PXDNL: variants seen among roughly 807,000 people sequenced by gnomAD.
PXDNL encodes the protein peroxidasin like, also known as probable oxidoreductase PXDNL.
Under a neutral mutation model 150.8 loss-of-function variants are expected in PXDNL, and 145 were observed. The observed-to-expected ratio is 0.96, with a 90% CI of 0.84 to 1.10. The LOEUF (loss-of-function observed/expected upper bound fraction) is 1.10. PXDNL is among the 50% of genes least tolerant of loss of function. The probability of loss-of-function intolerance (pLI) is 0.00; values close to 1 mark genes in which losing one functional copy is unlikely to be tolerated. For missense variants in PXDNL, 2,087 were observed against 1,873.9 expected (o/e 1.11, Z -2.10); for synonymous variants, 757 against 725.7 (o/e 1.04, Z -0.69).
chr8:51,448,941 T>G lies in PXDNL; in HGVS notation c.1366+61A>C, dbSNP rs1809743414. On this transcript the variant is annotated intron_variant, in intron 11 of 22. Transcript: ENST00000356297. ...GATAATTAATTTAAACTATTTTTTTTTACTATCCACAAAAGAAGGCACTTA... is the reference window on the plus strand; with the variant it reads ...GATAATTAATTTAAACTATTTTTTTGTACTATCCACAAAAGAAGGCACTTA... 4.8e-6 allele frequency: 4 copies of G among 824,874 alleles called. No individual in the cohort carries two copies. In the African/African-American group the frequency reaches 6.8e-5, roughly 14 times the overall value. The allele number at this position is 824,874 out of a possible 1,614,324, so 51.1% of individuals were successfully genotyped here. A position where few individuals can be genotyped will look rare whatever the true frequency, so the allele number is the denominator to read the frequency against.
At chr8:51,672,059 A>G (rs1815507905) in intron 1 of PXDNL, among the ~76,000 whole-genome samples, 1 of 152,082 alleles carries the variant, frequency 6.6e-6, no homozygotes, top group South Asian at 2.1e-4. Flanking sequence ...TCAGCTCACC[A>G]CAAAATTCGC....
chr8:51,524,982 C>G (rs1811737161), intron 4 of PXDNL, among the ~76,000 whole-genome samples: 1 of 152,182 alleles, frequency 6.6e-6, no homozygotes, highest in Non-Finnish European at 1.5e-5. Context: ...CTTGCTGGAA[C>G]AGGGGTGTGT....
At chr8:51,337,445 T>C (rs1805861065) in intron 21 of PXDNL, among the ~76,000 whole-genome samples, 1 of 152,244 alleles carries the variant, frequency 6.6e-6, no homozygotes, top group Non-Finnish European at 1.5e-5. Context: ...TCTTCCCTGA[T>C]ACACATTAAC....
intron 8 of PXDNL, among the ~76,000 whole-genome samples, chr8:51,458,599 C>T (rs954867942): frequency 1.6e-4 from 25 of 152,178 alleles, no homozygotes; most frequent in African/African-American, 6.0e-4. Context: ...CCCATAAAAA[C>T]ATCATTCCCA....
chr8:51,579,654 G>T (rs1424845800), intron 3 of PXDNL, among the ~76,000 whole-genome samples: 2 of 151,946 alleles, frequency 1.3e-5, no homozygotes, highest in African/African-American at 4.8e-5. Flanking sequence ...TTTTATTTAT[G>T]TGTGAAGCAA....
At chr8:51,664,729 G>T (rs561484796) in intron 1 of PXDNL, among the ~76,000 whole-genome samples, 1 of 152,016 alleles carries the variant, frequency 6.6e-6, no homozygotes, top group East Asian at 1.9e-4. Context: ...ATAGTGACCT[G>T]GGACTTGGCA....
At chr8:51,678,043 C>T (rs748176495) in intron 1 of PXDNL, among the ~76,000 whole-genome samples, 11 of 152,140 alleles carry the variant, frequency 7.2e-5, no homozygotes, top group Admixed American at 2.0e-4. Flanking sequence ...TCTCATAAAA[C>T]CTCTTGTAAA....
At chr8:51,559,285 G>A (rs769424343) in intron 3 of PXDNL, among the ~76,000 whole-genome samples, 1 of 148,952 alleles carries the variant, frequency 6.7e-6, no homozygotes, top group Non-Finnish European at 1.5e-5. Flanking sequence ...ATCTCATGAT[G>A]AATGCTGATG....
chr8:51,349,775 G>A (rs1806278275), intron 19 of PXDNL, among the ~76,000 whole-genome samples: 1 of 152,206 alleles, frequency 6.6e-6, no homozygotes, highest in Non-Finnish European at 1.5e-5. Context: ...TCCACGAATT[G>A]ATCAAAACTA....
intron 2 of PXDNL, among the ~76,000 whole-genome samples, chr8:51,640,301 G>A (rs1814718914): frequency 6.6e-6 from 1 of 152,160 alleles, no homozygotes; most frequent in Non-Finnish European, 1.5e-5. Context: ...CACAAGACAG[G>A]GATGCCGTCT....
chr8:51,637,742 G>T (rs139089803), intron 2 of PXDNL, among the ~76,000 whole-genome samples: 1 of 152,188 alleles, frequency 6.6e-6, no homozygotes, highest in African/African-American at 2.4e-5. Flanking sequence ...ACCTGAAAGT[G>T]ACAGGGAGAA....
intron 1 of PXDNL, among the ~76,000 whole-genome samples, chr8:51,773,517 A>G (rs2037321442): frequency 6.6e-6 from 1 of 152,244 alleles, no homozygotes; most frequent in Non-Finnish European, 1.5e-5. Context: ...ACTAGACACC[A>G]AAAAGGAAGA....
At chr8:51,783,544 T>C (rs1479563101) in intron 1 of PXDNL, among the ~76,000 whole-genome samples, 1 of 152,200 alleles carries the variant, frequency 6.6e-6, no homozygotes, top group East Asian at 1.9e-4. Flanking sequence ...GCCAAAAAGA[T>C]AACACAAGAT....
At chr8:51,756,008 T>G (rs1418182863) in intron 1 of PXDNL, among the ~76,000 whole-genome samples, 1 of 152,190 alleles carries the variant, frequency 6.6e-6, no homozygotes, top group Non-Finnish European at 1.5e-5. Context: ...CAAATAAAAT[T>G]ATCATTATCC....
intron 2 of PXDNL, among the ~76,000 whole-genome samples, chr8:51,598,904 C>A (rs961558307): frequency 2.0e-5 from 3 of 150,412 alleles, no homozygotes; most frequent in Non-Finnish European, 4.4e-5. Flanking sequence ...ATTACTGATT[C>A]AATTTTGGAA....
intron 2 of PXDNL, among the ~76,000 whole-genome samples, chr8:51,603,996 T>A (rs1211925230): frequency 6.6e-6 from 1 of 152,032 alleles, no homozygotes; most frequent in Non-Finnish European, 1.5e-5. Context: ...ACCAAAGAAG[T>A]AGTACATTTT....
intron 3 of PXDNL, among the ~76,000 whole-genome samples, chr8:51,584,883 G>T (rs1813291026): frequency 6.6e-6 from 1 of 152,120 alleles, no homozygotes; most frequent in South Asian, 2.1e-4. Flanking sequence ...CAGAGATTTA[G>T]AAAGGGAAAG....
intron 6 of PXDNL, among the ~76,000 whole-genome samples, chr8:51,476,582 A>C (rs2130126878): frequency 8.1e-6 from 1 of 123,034 alleles, no homozygotes. Context: ...TTCCTCATGA[A>C]ATAAAATAGA....
At chr8:51,457,814 C>A (rs1024851951) in intron 8 of PXDNL, 147 bp from the exon 9 acceptor site, 9 of 549,736 alleles carry the variant, frequency 1.6e-5, no homozygotes, top group Admixed American at 3.8e-5. Flanking sequence ...TTAATTATTT[C>A]ACTTTAAATC....
Sources: allele counts gnomAD v4.1 joint callset (sites outside exome capture counted in the v4.1 genomes callset), GRCh38; gene constraint gnomAD v4.1.1; transcripts MANE v1.5; gene names NCBI Gene and HGNC (gene_info 2026-07-23, HGNC 2026-07-21).